The following PDE4DIP variants were observed in gnomAD, a reference collection of about 807,000 sequenced individuals.
The protein encoded by PDE4DIP is phosphodiesterase 4D interacting protein, also known as myomegalin.
Under a neutral mutation model 221.4 loss-of-function variants are expected in PDE4DIP, and 59 were observed. That is an observed-to-expected ratio of 0.27 (90% confidence interval 0.22 to 0.33). PDE4DIP has a LOEUF of 0.33. PDE4DIP is among the 10% of genes least tolerant of loss of function. PDE4DIP has a pLI of 1.00. For synonymous variants in PDE4DIP, 404 were observed against 815.9 expected (o/e 0.50, Z 8.60); for missense variants, 1,036 against 2,154.2 (o/e 0.48, Z 10.28).
At chr1:148,979,606 A>G in intron 19 of PDE4DIP, 131 bp from the exon 23 acceptor site, 1 of 715,448 alleles carries the variant, frequency 1.4e-6, no homozygotes, top group Non-Finnish European at 2.3e-6. Context: ...AAACTATAAA[A>G]TAGTATCAAA....
At chr1:148,933,417 G>A (rs2048506955) in intron 4 of PDE4DIP, among the ~76,000 whole-genome samples, 1 of 152,100 alleles carries the variant, frequency 6.6e-6, no homozygotes, top group Admixed American at 6.5e-5. Context: ...TTGTCCTGAA[G>A]GTAACTGGGC....
At chr1:148,866,634 A>C (rs1378151019) in intron 2 of PDE4DIP, 1 of 30,936 alleles carries the variant, frequency 3.2e-5, no homozygotes, top group Non-Finnish European at 5.5e-5. Context: ...GGGAGGGGGA[A>C]GGGAGGGGAG....
chr1:148,959,717 C>CT (rs1268560368), intron 5 of PDE4DIP, among the ~76,000 whole-genome samples: 1 of 151,890 alleles, frequency 6.6e-6, no homozygotes, highest in Non-Finnish European at 1.5e-5. Flanking sequence ...TAAAATCATA[C>CT]TTTTTTCTCC....
At chr1:148,985,379 T>C (rs1559156148) in intron 21 of PDE4DIP, 2 of 152,118 alleles carry the variant, frequency 1.3e-5, no homozygotes, top group South Asian at 4.1e-4. Flanking sequence ...GTTATTTCAG[T>C]TATAATGTGT....
At chr1:148,870,272 T>C (rs1688747989) in intron 3 of PDE4DIP, 2 of 390,762 alleles carry the variant, frequency 5.1e-6, no homozygotes, top group Non-Finnish European at 8.1e-6. Flanking sequence ...CCCAACCCCC[T>C]CCTTTTTTTG....
chr1:148,902,843 T>C (rs2040965190), intron 1 of PDE4DIP, among the ~76,000 whole-genome samples: 1 of 112,650 alleles, frequency 8.9e-6, no homozygotes, highest in Non-Finnish European at 1.7e-5. Flanking sequence ...TTTTTGCAGT[T>C]GTGAACTGTG....
At chr1:148,820,555 C>CAAAAAAAAAAAAA (rs148261220) in intron 1 of PDE4DIP, among the ~76,000 whole-genome samples, 4 of 39,374 alleles carry the variant, frequency 1.0e-4, no homozygotes, top group Admixed American at 3.5e-4. Context: ...AACTCCATCT[C>CAAAAAAAAAAAAA]AAAAAAAAAA....
intron 1 of PDE4DIP, among the ~76,000 whole-genome samples, chr1:148,838,768 G>T (rs1674263049): frequency 2.5e-5 from 2 of 78,538 alleles, no homozygotes; most frequent in South Asian, 6.1e-4. Context: ...CCCATTCATT[G>T]GGCACCTTTT....
At chr1:149,031,533 G>T (rs1626433) in intron 43 of PDE4DIP, among the ~76,000 whole-genome samples, 1 of 151,622 alleles carries the variant, frequency 6.6e-6, no homozygotes, top group Non-Finnish European at 1.5e-5. Context: ...TTAACAGAGG[G>T]CTTCCCAGCA....
chr1:148,980,898 G>C (rs2060971219), intron 20 of PDE4DIP, among the ~76,000 whole-genome samples: 1 of 152,220 alleles, frequency 6.6e-6, no homozygotes, highest in South Asian at 2.1e-4. Flanking sequence ...GCTCAGTCTT[G>C]CTCCAGTTTA....
At chr1:148,882,174 CTCT>C (rs1553425421) in intron 3 of PDE4DIP, among the ~76,000 whole-genome samples, 1 of 116,064 alleles carries the variant, frequency 8.6e-6, no homozygotes, top group African/African-American at 3.4e-5. Context: ...CCTGCCCCAT[CTCT>C]TCTTGTCTAT....
At chr1:148,929,644 A>G in intron 2 of PDE4DIP, 1 of 216,552 alleles carries the variant, frequency 4.6e-6, no homozygotes, top group South Asian at 7.5e-5. Context: ...ATTTGGGGAA[A>G]ATGGGCACTC....
In PDE4DIP at chr1:148,958,997, A is replaced by G. The variant is rs375919933; in HGVS notation, c.637-1657A>G. On this transcript the variant is annotated intron_variant, in intron 5 of 43. Transcript: ENST00000369354. ...GCAGGACTGATTCTTTTTCCTTCAG[A>G]TATCTATTTAAATGCTGCCTCATAA... Among the ~76,000 whole-genome samples, 970 of 149,078 alleles carry G rather than the reference A, an allele frequency of 6.5e-3. 6 individuals carry two copies. Among genetic ancestry groups the G allele is most frequent in the Non-Finnish European group, 0.01 (680 of 66,654 alleles).
chr1:148,929,476 T>C (rs1290028576), intron 2 of PDE4DIP: 5 of 669,692 alleles, frequency 7.5e-6, no homozygotes, highest in African/African-American at 3.7e-5. Flanking sequence ...TTGTCATAAG[T>C]TGGTAAATCC....
At chr1:148,838,942 A>T (rs1347120614) in intron 1 of PDE4DIP, among the ~76,000 whole-genome samples, 89 of 20,464 alleles carry the variant, frequency 4.3e-3, no homozygotes, top group African/African-American at 4.9e-3. Context: ...AGGCCTTTCT[A>T]ACTTCTGTGG....
intron 4 of PDE4DIP, among the ~76,000 whole-genome samples, chr1:148,934,644 C>T (rs55969124): frequency 3.3e-5 from 5 of 151,172 alleles, no homozygotes; most frequent in East Asian, 2.0e-4. Flanking sequence ...CGCTCTGTTG[C>T]CCAGGGTGGA....
At chr1:148,930,203 A>C (rs587765048) in intron 2 of PDE4DIP, 1 of 152,234 alleles carries the variant, frequency 6.6e-6, no homozygotes, top group East Asian at 1.9e-4. Flanking sequence ...CAGAATACAA[A>C]AATTAATGTA....
Position 149,031,563 on chromosome 1 carries a change from CA to C in PDE4DIP, c.7000-378del, listed in dbSNP as rs34449090. On this transcript the variant is annotated intron_variant, in intron 43 of 43. Coordinates refer to ENST00000369354, the Ensembl canonical transcript of PDE4DIP. The stretch of plus-strand genomic sequence containing the variant: ...CCAGCAAAATGTCCTCTTCTTCCTA[CA>C]AACAGGCTGTTTCTATATGTGCATG... Among the ~76,000 whole-genome samples, 1,327 of 150,080 alleles carry C rather than the reference CA, an allele frequency of 8.8e-3. 13 individuals are homozygous for C. Among genetic ancestry groups the C allele is most frequent in the African/African-American group, 0.012 (504 of 40,602 alleles).
chr1:148,875,696 TG>T (rs1690919146), intron 3 of PDE4DIP, among the ~76,000 whole-genome samples: 1 of 148,432 alleles, frequency 6.7e-6, no homozygotes, highest in Non-Finnish European at 1.5e-5. Flanking sequence ...GAGGCTGAGG[TG>T]AGCGAATCAC....
Sources: gnomAD v4.1 joint callset for allele counts (sites outside exome capture counted in the v4.1 genomes callset) on GRCh38, gnomAD v4.1.1 for gene constraint, MANE v1.5 for transcripts, NCBI Gene and HGNC (gene_info 2026-07-23, HGNC 2026-07-21) for gene names.